Variants in UTRN observed in about 807,000 individuals in gnomAD.
The protein encoded by UTRN is utrophin.
A neutral mutation model predicts 463.9 loss-of-function variants in UTRN; 283 were observed. That is an observed-to-expected ratio of 0.61 (90% CI 0.55 to 0.67). The LOEUF (loss-of-function observed/expected upper bound fraction) is 0.67. Among genes scored for constraint, UTRN ranks in the 30% least tolerant of loss-of-function variants. The probability of loss-of-function intolerance (pLI) is 0.00; values close to 1 mark genes in which losing one functional copy is unlikely to be tolerated. For synonymous variants in UTRN, 1,442 were observed against 1,431.5 expected (o/e 1.01, Z -0.17); for missense variants, 3,922 against 4,084.3 (o/e 0.96, Z 1.08).
intron 50 of UTRN, among the ~76,000 whole-genome samples, chr6:144,564,437 A>G (rs1268667950): frequency 6.6e-6 from 1 of 152,210 alleles, no homozygotes; most frequent in Non-Finnish European, 1.5e-5. Flanking sequence ...GAGATGCGGT[A>G]GGAGAGGAAG....
intron 2 of UTRN, among the ~76,000 whole-genome samples, chr6:144,309,493 A>G (rs993570851): frequency 2.0e-5 from 3 of 152,180 alleles, no homozygotes; most frequent in African/African-American, 7.2e-5. Context: ...TTTTGGAGTC[A>G]TCTTTGTAGT....
At chr6:144,548,363 C>T (rs1798595028) in intron 46 of UTRN, among the ~76,000 whole-genome samples, 1 of 152,122 alleles carries the variant, frequency 6.6e-6, no homozygotes, top group Non-Finnish European at 1.5e-5. Context: ...AATAATACTT[C>T]CAGTTCTCCC....
At chr6:144,501,181 G>C (rs1178061157) in intron 34 of UTRN, among the ~76,000 whole-genome samples, 2 of 152,200 alleles carry the variant, frequency 1.3e-5, no homozygotes, top group African/African-American at 4.8e-5. Flanking sequence ...TGAGTGTAAA[G>C]GAAGTGAAGA....
At chr6:144,327,206 G>A (rs1012677870) in intron 2 of UTRN, among the ~76,000 whole-genome samples, 7 of 152,166 alleles carry the variant, frequency 4.6e-5, no homozygotes, top group African/African-American at 1.7e-4. Context: ...GGGGAAATGG[G>A]AGGAGGAGAA....
chr6:144,732,261 C>G (rs964065554), intron 54 of UTRN, among the ~76,000 whole-genome samples: 1 of 122,664 alleles, frequency 8.2e-6, no homozygotes, highest in Non-Finnish European at 1.6e-5. Context: ...TATATATACA[C>G]ACATATATAT....
intron 2 of UTRN, chr6:144,398,137 C>T (rs142942472): frequency 1.1e-3 from 282 of 247,180 alleles, no homozygotes; most frequent in Non-Finnish European, 2.0e-3. Flanking sequence ...GTCATCACCA[C>T]GTTTTCCCTG....
intron 63 of UTRN, 60 bp downstream of exon 63, chr6:144,794,051 T>G: frequency 6.3e-7 from 1 of 1,579,522 alleles, no homozygotes. Flanking sequence ...GAGGATGTTC[T>G]GAGACATGGA....
intron 66 of UTRN, 150 bp downstream of exon 66, chr6:144,821,168 T>G: frequency 9.5e-7 from 1 of 1,049,346 alleles, no homozygotes; most frequent in Non-Finnish European, 1.3e-6. Context: ...AACATGAATT[T>G]TTACAATTCA....
At chr6:144,605,267 T>A (rs920679708) in intron 51 of UTRN, among the ~76,000 whole-genome samples, 7 of 152,136 alleles carry the variant, frequency 4.6e-5, no homozygotes, top group Non-Finnish European at 8.8e-5. Context: ...CAAAATTAAA[T>A]TTTTCATGCA....
intron 19 of UTRN, among the ~76,000 whole-genome samples, chr6:144,458,353 GT>G (rs1357578307): frequency 2.6e-5 from 4 of 152,090 alleles, no homozygotes; most frequent in Non-Finnish European, 4.4e-5. Context: ...CTGCCTCCTA[GT>G]TTTTCTAGCC....
intron 2 of UTRN, among the ~76,000 whole-genome samples, chr6:144,299,867 G>A (rs1242760817): frequency 6.6e-6 from 1 of 151,968 alleles, no homozygotes; most frequent in East Asian, 1.9e-4. Context: ...TATTATATAT[G>A]TATTAATATT....
intron 58 of UTRN, 81 bp downstream of exon 58, chr6:144,758,070 CT>C: frequency 8.1e-7 from 1 of 1,241,848 alleles, no homozygotes; most frequent in Admixed American, 2.2e-5. Context: ...CTCCCCATAA[CT>C]TTTAAAAATA....
At chr6:144,501,766 A>G (rs1794204372) in intron 34 of UTRN, among the ~76,000 whole-genome samples, 1 of 152,208 alleles carries the variant, frequency 6.6e-6, no homozygotes, top group Admixed American at 6.5e-5. Context: ...TAACCCTAAA[A>G]GTATTGATCA....
chr6:144,651,860 T>A (rs1562710121), intron 51 of UTRN, among the ~76,000 whole-genome samples: 1 of 152,114 alleles, frequency 6.6e-6, no homozygotes, highest in Non-Finnish European at 1.5e-5. Context: ...AAGTGGTGTT[T>A]GGTTACATGA....
At chr6:144,314,622 A>G in intron 2 of UTRN, among the ~76,000 whole-genome samples, 1 of 152,204 alleles carries the variant, frequency 6.6e-6, no homozygotes, top group Non-Finnish European at 1.5e-5. Flanking sequence ...CCTATGTTAC[A>G]TAAAGCCTCC....
At chr6:144,418,658 A>G (rs949458624) in intron 3 of UTRN, among the ~76,000 whole-genome samples, 1 of 151,170 alleles carries the variant, frequency 6.6e-6, no homozygotes, top group African/African-American at 2.4e-5. Context: ...GGTTCAAGCA[A>G]TTTTCCTGCC....
intron 51 of UTRN, among the ~76,000 whole-genome samples, chr6:144,664,876 A>G (rs1780229310): frequency 6.6e-6 from 1 of 150,396 alleles, no homozygotes; most frequent in Non-Finnish European, 1.5e-5. Context: ...TATTTAAGTA[A>G]TATATATATA....
At chr6:144,520,674 A>G (rs113869858) in intron 39 of UTRN, among the ~76,000 whole-genome samples, 3 of 152,304 alleles carry the variant, frequency 2.0e-5, no homozygotes, top group Non-Finnish European at 2.9e-5. Context: ...TATCCACTCA[A>G]TGATTTTAGT....
At chr6:144,360,589 G>C (rs781611923) in intron 2 of UTRN, among the ~76,000 whole-genome samples, 1 of 152,154 alleles carries the variant, frequency 6.6e-6, no homozygotes. Context: ...TGCCCACACC[G>C]GCATGCCTTT....
Sources: allele counts gnomAD v4.1 joint callset (sites outside exome capture counted in the v4.1 genomes callset), GRCh38; gene constraint gnomAD v4.1.1; transcripts MANE v1.5; gene names NCBI Gene and HGNC (gene_info 2026-07-23, HGNC 2026-07-21).